VSIG10: variants seen among roughly 807,000 people sequenced by gnomAD.
VSIG10 encodes the protein V-set and immunoglobulin domain-containing protein 10.
In VSIG10, 48 loss-of-function variants were observed where a neutral mutation model predicts 58.7. The observed-to-expected ratio is 0.82, with a 90% CI of 0.65 to 1.04. The LOEUF is 1.04. Among genes scored for constraint, VSIG10 ranks in the 50% least tolerant of loss-of-function variants. VSIG10 has a pLI of 0.00. For missense variants in VSIG10, 628 were observed against 670.0 expected (o/e 0.94, Z 0.69); for synonymous variants, 260 against 267.1 (o/e 0.97, Z 0.26).
chr12:118,083,259 T>G (rs757609192), intron 2 of VSIG10, among the ~76,000 whole-genome samples: 1 of 147,358 alleles, frequency 6.8e-6, no homozygotes, highest in Non-Finnish European at 1.5e-5. Flanking sequence ...CTAGGAAACA[T>G]AGCTAGACCC....
intron 1 of VSIG10, among the ~76,000 whole-genome samples, chr12:118,097,097 C>T (rs529384460): frequency 6.6e-6 from 1 of 152,240 alleles, no homozygotes; most frequent in African/African-American, 2.4e-5. Context: ...TGTTGGGACT[C>T]TTGGCCAGTC....
rs1269218450 is a variant in VSIG10 at position 118,103,644 on chromosome 12, G to A, written c.28C>T (p.Pro10Ser). MAAGGSAPE[P>S]RVLVCLGALL... ...GCCCCGAGGCAGACGAGGACGCGGG[G>A]CTCGGGCGCACTGCCGCCTGCGGCC... is the stretch of plus-strand genomic sequence containing the variant. Residue 10 changes from proline (P) to serine (S), a missense_variant, in exon 1 of 9, where the codon CCC (proline) becomes TCC (serine). Pro to Ser is a moderately conservative substitution (Grantham distance 74). Transcript: ENST00000359236. 3.3e-6 allele frequency: 5 copies of A among 1,505,294 alleles called. No homozygotes were observed. Among genetic ancestry groups the A allele is most frequent in the Non-Finnish European group, 4.4e-6 (5 of 1,132,882 alleles). The allele number at this position is 1,505,294 out of a possible 1,614,324, so 93.2% of individuals were successfully genotyped here. A position where few individuals can be genotyped will look rare whatever the true frequency, so the allele number is the denominator to read the frequency against.
chr12:118,066,492 C>T lies in VSIG10; in HGVS notation c.*147G>A. On this transcript the variant is annotated 3_prime_UTR_variant, in exon 9 of 9. Transcript: ENST00000359236. ...ATACATGGAAGGAAAGATGTGTGTG[C>T]TTGGTTTTGTTTTTTGCTGAGACCC... 1 of 769,534 alleles carries T rather than the reference C, an allele frequency of 1.3e-6. No individual in the cohort carries two copies. The highest frequency in any genetic ancestry group is 2.3e-6 in the Non-Finnish European group (1 of 438,078). The allele number at this position is 769,534 out of a possible 1,614,324, so 47.7% of individuals were successfully genotyped here. A position where few individuals can be genotyped will look rare whatever the true frequency, so the allele number is the denominator to read the frequency against.
At chr12:118,071,200 C>CG (rs750427016) in intron 6 of VSIG10, 133 bp from the exon 7 acceptor site, 27 of 1,217,412 alleles carry the variant, frequency 2.2e-5, no homozygotes, top group Non-Finnish European at 3.1e-5. Flanking sequence ...TAGGGTGTCC[C>CG]GGGATGGTAC....
At chr12:118,098,982 C>T (rs2033551876) in intron 1 of VSIG10, among the ~76,000 whole-genome samples, 1 of 150,772 alleles carries the variant, frequency 6.6e-6, no homozygotes, top group African/African-American at 2.4e-5. Context: ...TCAAGTGATC[C>T]TCCCACCTCA....
In VSIG10 at chr12:118,070,453, CAGG is replaced by C. The variant is rs937333615; in HGVS notation, c.1346+596_1346+598del. ...ATCCCAACTACTCGGAAGGCTGAGGCAGGAGAATGGCCTCAACCTGGGAGGTAG... is the reference window on the plus strand; with the variant it reads ...ATCCCAACTACTCGGAAGGCTGAGGCAGAATGGCCTCAACCTGGGAGGTAG... On this transcript the variant is annotated intron_variant, in intron 7 of 8. Transcript: ENST00000359236. 2.7e-5 allele frequency among the ~76,000 whole-genome samples: 4 copies of C among 149,350 alleles called. No individual in the cohort carries two copies. In the Admixed American group the frequency reaches 2.7e-4, roughly 10 times the overall value.
At position 118,071,425 on chromosome 12, in the gene VSIG10, G is replaced by C. The variant is rs1593494190; in HGVS notation, c.1264C>G (p.Leu422Val). ...GGIVGTIVSL[L>V]LLGLAIISGL... is the part of the protein sequence containing the mutation. ...GAGATAATGGCCAGTCCCAGCAGAA[G>C]GAGGCTCACAATGGTTCCCACAATC... The change falls in exon 6 of 9, where the codon CTT becomes GTT. Residue 422 changes from leucine to valine, a missense_variant. Physicochemically the swap from Leu to Val is conservative, Grantham distance 32. Coordinates refer to ENST00000359236, the MANE Select transcript of VSIG10 (RefSeq NM_019086.6). 2 of 1,613,912 alleles carry C rather than the reference G, an allele frequency of 1.2e-6. No homozygotes were observed. Among genetic ancestry groups the C allele is most frequent in the Non-Finnish European group, 1.7e-6 (2 of 1,179,880 alleles).
intron 1 of VSIG10, 25 bp from the exon 2 acceptor site, chr12:118,095,839 T>C: frequency 1.3e-6 from 2 of 1,583,764 alleles, no homozygotes; most frequent in Non-Finnish European, 8.6e-7. Flanking sequence ...ATCAGGCTGT[T>C]ACTACCCTTC....
Position 118,082,420 on chromosome 12 carries a change from TA to T in VSIG10, c.370del (p.Tyr124IlefsTer47). 2 of 1,608,720 alleles carry T rather than the reference TA, an allele frequency of 1.2e-6. No homozygotes were observed. Among genetic ancestry groups the T allele is most frequent in the South Asian group, 2.2e-5 (2 of 91,010 alleles). ...QVWLQVASGP[Y>X]QIEVHIVATG... The stretch of plus-strand genomic sequence containing the variant: ...GGCCACGATGTGGACCTCAATCTGA[TA>T]GGGGCCGCCTGGGGATGACAGGGGG... On this transcript the variant is annotated frameshift_variant, in exon 3 of 9. Coordinates refer to ENST00000359236, the MANE Select transcript of VSIG10 (RefSeq NM_019086.6). LOFTEE classifies it high-confidence loss of function.
chr12:118,073,499 T>C lies in VSIG10; in HGVS notation c.1219+200A>G, dbSNP rs556464546. Among the ~76,000 whole-genome samples the C allele has an allele frequency of 3.3e-5, 5 of 152,340 alleles. No individual in the cohort carries two copies. In the South Asian group the frequency reaches 1.0e-3, roughly 32 times the overall value. ...GGTGTGTATAGATATTATGTAATTT[T>C]TGCTACCTATGGAAATATTAGTGAG... On this transcript the variant is annotated intron_variant, in intron 5 of 8. Coordinates refer to ENST00000359236, the MANE Select transcript of VSIG10 (RefSeq NM_019086.6).
intron 4 of VSIG10, among the ~76,000 whole-genome samples, chr12:118,075,876 CAG>C (rs1425397013): frequency 6.6e-6 from 1 of 152,186 alleles, no homozygotes; most frequent in East Asian, 1.9e-4. Context: ...AGCTAGGATT[CAG>C]AGTGATCAAC....
intron 7 of VSIG10, among the ~76,000 whole-genome samples, chr12:118,069,112 T>C (rs1205192031): frequency 2.0e-5 from 3 of 146,840 alleles, no homozygotes; most frequent in Non-Finnish European, 4.5e-5. Flanking sequence ...TTTTTCGGGA[T>C]AGAGTCTTGC....
In VSIG10 at chr12:118,082,360, G is replaced by T; in HGVS notation, c.431C>A (p.Ala144Asp). 1 of 1,613,970 alleles carries T rather than the reference G, an allele frequency of 6.2e-7. No individual in the cohort carries two copies. Among genetic ancestry groups the T allele is most frequent in the Non-Finnish European group, 8.5e-7 (1 of 1,179,888 alleles). ...GCTGAAGTCCACCTGGGAGCCCCTG[G>T]CTGCGTAGAGGGTGCCGTTGGGGAG... ...GTLPNGTLYAARGSQVDFSCN... is the reference protein window; with the variant it reads ...GTLPNGTLYADRGSQVDFSCN... Residue 144 changes from alanine to aspartate, a missense_variant, in exon 3 of 9, where the codon GCC becomes GAC. Transcript: ENST00000359236.
intron 4 of VSIG10, among the ~76,000 whole-genome samples, chr12:118,075,134 A>ATGTATATATG (rs1264169401): frequency 7.1e-6 from 1 of 141,180 alleles, no homozygotes; most frequent in Non-Finnish European, 1.5e-5. Flanking sequence ...ATGTGTATAT[A>ATGTATATATG]TGTATATATG....
chr12:118,066,893 C>T lies in VSIG10; in HGVS notation c.1568-199G>A, dbSNP rs563064479. Among the ~76,000 whole-genome samples the T allele has an allele frequency of 5.9e-5, 9 of 152,152 alleles. No individual in the cohort carries two copies. In the South Asian group the frequency reaches 1.9e-3, roughly 32 times the overall value. On this transcript the variant is annotated intron_variant, in intron 8 of 8. Transcript: ENST00000359236. Reference sequence around the variant, plus strand: ...TCAGAACCTCTAGGCATGCTTGATACCAGTCACCCTTCATGTCCTCAGCTC... The same window carrying T: ...TCAGAACCTCTAGGCATGCTTGATATCAGTCACCCTTCATGTCCTCAGCTC...
At chr12:118,083,114 C>CAAAAAAAA (rs61523301) in intron 2 of VSIG10, among the ~76,000 whole-genome samples, 10 of 55,030 alleles carry the variant, frequency 1.8e-4, no homozygotes, top group Admixed American at 2.8e-4. Flanking sequence ...CTCCGTCTCA[C>CAAAAAAAA]AAAAAAAAAA....
chr12:118,097,345 G>T (rs2033491075), intron 1 of VSIG10, among the ~76,000 whole-genome samples: 1 of 152,210 alleles, frequency 6.6e-6, no homozygotes, highest in Non-Finnish European at 1.5e-5. Flanking sequence ...CGGGAGCCGT[G>T]GCTCATGCCT....
intron 7 of VSIG10, among the ~76,000 whole-genome samples, chr12:118,069,795 T>A (rs944214500): frequency 6.6e-6 from 1 of 152,204 alleles, no homozygotes; most frequent in African/African-American, 2.4e-5. Context: ...GGAGCTGTGT[T>A]ACATTGTCAT....
intron 1 of VSIG10, among the ~76,000 whole-genome samples, chr12:118,096,570 C>T (rs1176489798): frequency 7.3e-6 from 1 of 137,472 alleles, no homozygotes; most frequent in Non-Finnish European, 1.6e-5. Flanking sequence ...AAGAGCGTAA[C>T]TCCGTCTCAA....
Sources: allele counts gnomAD v4.1 joint callset (sites outside exome capture counted in the v4.1 genomes callset), GRCh38; gene constraint gnomAD v4.1.1; transcripts MANE v1.5; gene names NCBI Gene and HGNC (gene_info 2026-07-23, HGNC 2026-07-21).